Variants in DMD observed in about 807,000 individuals in gnomAD.
DMD encodes mutant dystrophin.
DMD carries 63 observed loss-of-function variants against 330.1 expected under a neutral mutation model. That is an observed-to-expected ratio of 0.19 (90% CI 0.16 to 0.24). The LOEUF (loss-of-function observed/expected upper bound fraction) is 0.24. Ranked by LOEUF, DMD falls within the 10% of genes least tolerant of loss-of-function variation. DMD has a pLI of 1.00. For missense variants in DMD, 3,344 were observed against 2,684.1 expected, an observed-to-expected ratio of 1.25 and a Z score of -5.43; for synonymous variants, 1,223 against 959.8, an observed-to-expected ratio of 1.27 and a Z score of -5.07.
chrX:32,397,462 A>G (rs2147742729), intron 30 of DMD, among the ~76,000 whole-genome samples: 1 of 111,894 alleles, frequency 8.9e-6, no homozygotes, highest in Admixed American at 9.5e-5. Context: ...TTTCTTCATC[A>G]AAGTCAAGTA....
rs1157213109 is a variant in DMD at position 32,448,398 on chromosome X, C to T, written c.3786+58G>A. 1.4e-5 allele frequency: 16 copies of T among 1,157,322 alleles called. No homozygotes were observed. In the Admixed American group the frequency reaches 3.3e-4, roughly 24 times the overall value. ...GGTATCCATGTTCTTAACCACTATG[C>T]CTCACATATGACCATGTATTGACAT... On this transcript the variant is annotated intron_variant, in intron 27 of 78. Coordinates refer to ENST00000357033, the MANE Select transcript of DMD (RefSeq NM_004006.3).
At chrX:32,690,155 C>T (rs1244315224) in intron 9 of DMD, among the ~76,000 whole-genome samples, 1 of 108,959 alleles carries the variant, frequency 9.2e-6, no homozygotes, top group South Asian at 3.8e-4. Flanking sequence ...GAATAGAAAA[C>T]CCTAGAATCC....
chrX:32,764,234 C>A lies in DMD; in HGVS notation c.649+45259G>T, dbSNP rs957414561. 5.4e-5 allele frequency among the ~76,000 whole-genome samples: 6 copies of A among 110,961 alleles called. No individual in the cohort carries two copies. In the South Asian group the frequency reaches 1.1e-3, roughly 21 times the overall value. On this transcript the variant is annotated intron_variant, in intron 7 of 78. Transcript: ENST00000357033. ...ATTTACACTATAAAACTCAATCATC[C>A]AACACTTATGAATCCAAACATTTTC...
chrX:32,489,050 C>A (rs2042743474), intron 20 of DMD, among the ~76,000 whole-genome samples: 2 of 111,293 alleles, frequency 1.8e-5, no homozygotes, highest in Admixed American at 1.9e-4. Context: ...TTCGTTTTTC[C>A]CTGTTACTCA....
At chrX:32,324,072 T>A (rs2097636931) in intron 41 of DMD, among the ~76,000 whole-genome samples, 1 of 110,923 alleles carries the variant, frequency 9.0e-6, no homozygotes, top group Admixed American at 9.7e-5. Context: ...TAAGTGCTAA[T>A]GTTTGAAAGA....
intron 48 of DMD, among the ~76,000 whole-genome samples, chrX:31,874,057 A>G (rs1239218564): frequency 1.8e-5 from 2 of 111,835 alleles, no homozygotes; most frequent in Non-Finnish European, 3.8e-5. Flanking sequence ...AGTGTAAATC[A>G]ACATATGAAC....
chrX:33,265,428 C>A (rs2053027152), intron 1 of DMD, among the ~76,000 whole-genome samples: 2 of 111,121 alleles, frequency 1.8e-5, no homozygotes, highest in South Asian at 7.4e-4. Flanking sequence ...GTTCCATAGG[C>A]CCCTTGTAAA....
At chrX:31,400,831 G>A (rs1172159993) in intron 60 of DMD, among the ~76,000 whole-genome samples, 1 of 111,978 alleles carries the variant, frequency 8.9e-6, no homozygotes, top group Non-Finnish European at 1.9e-5. Flanking sequence ...GTTCACATCA[G>A]CTTGAAACGA....
chrX:31,414,022 A>G (rs139081062), intron 60 of DMD, among the ~76,000 whole-genome samples: 2,740 of 111,335 alleles, frequency 0.025, 39 homozygotes, highest in African/African-American at 0.057. Context: ...TTATTTTATT[A>G]TTATTTTTTG....
intron 60 of DMD, among the ~76,000 whole-genome samples, chrX:31,419,222 G>A (rs760286143): frequency 1.9e-5 from 2 of 104,141 alleles, no homozygotes; most frequent in South Asian, 9.5e-4. Flanking sequence ...GGGATTACAG[G>A]TGTGAGCCAC....
At chrX:32,187,798 A>T (rs2096954399) in intron 44 of DMD, among the ~76,000 whole-genome samples, 1 of 111,235 alleles carries the variant, frequency 9.0e-6, no homozygotes, top group African/African-American at 3.3e-5. Flanking sequence ...GCTTTCAATG[A>T]AGCACAATCA....
At chrX:32,794,399 C>A (rs191624098) in intron 7 of DMD, among the ~76,000 whole-genome samples, 1 of 111,187 alleles carries the variant, frequency 9.0e-6, no homozygotes, top group Non-Finnish European at 1.9e-5. Flanking sequence ...ATCATCCTGG[C>A]TAACACGGTG....
intron 7 of DMD, among the ~76,000 whole-genome samples, chrX:32,793,987 T>TA (rs896608747): frequency 9.0e-6 from 1 of 111,476 alleles, no homozygotes; most frequent in African/African-American, 3.3e-5. Context: ...AGAAATTCTC[T>TA]ACAAAATGCT....
chrX:31,918,698 C>A (rs994264579), intron 47 of DMD, among the ~76,000 whole-genome samples: 3 of 108,969 alleles, frequency 2.8e-5, no homozygotes, highest in African/African-American at 1.0e-4. Flanking sequence ...AATGCAGTGG[C>A]GTGATCTCCT....
intron 17 of DMD, among the ~76,000 whole-genome samples, chrX:32,532,970 A>C (rs2047619906): frequency 8.9e-6 from 1 of 112,379 alleles, no homozygotes; most frequent in Non-Finnish European, 1.9e-5. Flanking sequence ...ACTGGAACTC[A>C]GTCATGCTCA....
At chrX:32,069,258 T>C (rs2096280108) in intron 44 of DMD, among the ~76,000 whole-genome samples, 1 of 111,458 alleles carries the variant, frequency 9.0e-6, no homozygotes, top group South Asian at 3.7e-4. Context: ...AAAATATCAC[T>C]AGAATCTTAG....
chrX:32,132,272 A>G (rs193108032), intron 44 of DMD, among the ~76,000 whole-genome samples: 2 of 112,178 alleles, frequency 1.8e-5, no homozygotes, highest in African/African-American at 6.5e-5. Context: ...GCAAGGAAGC[A>G]ACTGTCCATC....
intron 1 of DMD, among the ~76,000 whole-genome samples, chrX:33,026,735 A>T (rs6628765): frequency 0.33 from 36,538 of 110,719 alleles, 4,448 homozygotes; most frequent in South Asian, 0.46. Context: ...CACGAAGAAC[A>T]GAAAAGCTGT....
intron 1 of DMD, among the ~76,000 whole-genome samples, chrX:33,067,993 T>A (rs911282972): frequency 2.7e-5 from 3 of 112,371 alleles, no homozygotes; most frequent in Non-Finnish European, 3.7e-5. Context: ...ACAACAATAG[T>A]GCCAACAAGT....
Sources: gnomAD v4.1 joint callset for allele counts (sites outside exome capture counted in the v4.1 genomes callset) on GRCh38, gnomAD v4.1.1 for gene constraint, MANE v1.5 for transcripts, NCBI Gene and HGNC (gene_info 2026-07-23, HGNC 2026-07-21) for gene names.